BBOX1: variants seen among roughly 807,000 people sequenced by gnomAD.
The protein encoded by BBOX1 is gamma-butyrobetaine dioxygenase.
BBOX1 carries 35 observed loss-of-function variants against 41.6 expected under a neutral mutation model. The ratio of observed to expected loss-of-function variants is 0.84; its 90% confidence interval spans 0.64 to 1.11. BBOX1 has a LOEUF of 1.11. BBOX1 is among the 50% of genes most tolerant of loss of function. The pLI, the probability that BBOX1 is intolerant of heterozygous loss-of-function variation, is 0.00. For synonymous variants in BBOX1, 163 were observed against 154.7 expected (o/e 1.05, Z -0.40); for missense variants, 458 against 460.6 (o/e 0.99, Z 0.05).
intron 5 of BBOX1, among the ~76,000 whole-genome samples, chr11:27,113,454 C>A (rs565134781): frequency 1.5e-3 from 221 of 151,934 alleles, no homozygotes; most frequent in Middle Eastern, 3.4e-3. Context: ...ACATATACAC[C>A]ATGGAATACT....
At chr11:27,077,256 C>T (rs909864507) in intron 4 of BBOX1, among the ~76,000 whole-genome samples, 1 of 152,104 alleles carries the variant, frequency 6.6e-6, no homozygotes, top group African/African-American at 2.4e-5. Context: ...TGGGAATGCA[C>T]AAAAGTCTTC....
intron 5 of BBOX1, among the ~76,000 whole-genome samples, chr11:27,113,826 A>G (rs1859165123): frequency 6.6e-6 from 1 of 151,858 alleles, no homozygotes; most frequent in Admixed American, 6.6e-5. Context: ...AAAAAAATCA[A>G]GTTTCTCCCT....
At chr11:27,082,673 G>A (rs1857888848) in intron 4 of BBOX1, among the ~76,000 whole-genome samples, 1 of 152,104 alleles carries the variant, frequency 6.6e-6, no homozygotes. Context: ...TAGAGTATCT[G>A]TTATGGGATT....
In BBOX1 at chr11:27,055,528, G is replaced by A. The variant is rs751858108; in HGVS notation, c.98G>A (p.Trp33Ter). 1 of 1,614,172 alleles carries A rather than the reference G, an allele frequency of 6.2e-7. No individual in the cohort carries two copies. Among genetic ancestry groups the A allele is most frequent in the South Asian group, 1.1e-5 (1 of 91,072 alleles). ...DEEESLYPAVWLRDNCPCSDC... is the reference protein window; with the variant it reads ...DEEESLYPAV Reference sequence around the variant, plus strand: ...GAAGAGTCTCTCTACCCAGCTGTATGGTTGAGAGACAACTGTCCGTGCTCT... The same window carrying A: ...GAAGAGTCTCTCTACCCAGCTGTATAGTTGAGAGACAACTGTCCGTGCTCT... Residue 33 changes from tryptophan (W) to a stop codon, truncating the protein, a stop_gained, in exon 3 of 9, where the codon TGG becomes TAG. Coordinates refer to ENST00000263182, the MANE Select transcript of BBOX1 (RefSeq NM_003986.3). LOFTEE classifies it high-confidence loss of function.
chr11:27,069,199 T>C (rs1212202708), intron 4 of BBOX1, among the ~76,000 whole-genome samples: 2 of 152,130 alleles, frequency 1.3e-5, no homozygotes, highest in African/African-American at 4.8e-5. Flanking sequence ...TATTGAGTCT[T>C]CTAATTCATG....
At position 27,055,420 on chromosome 11, in the gene BBOX1, A is replaced by G. The variant is rs1856946459; in HGVS notation, c.-11A>G. The G allele has an allele frequency of 6.2e-7, 1 of 1,611,282 alleles. No homozygotes were observed. On this transcript the variant is annotated 5_prime_UTR_variant, in exon 3 of 9. Coordinates refer to ENST00000263182, the MANE Select transcript of BBOX1 (RefSeq NM_003986.3). ...GGTAGCTGACAGCATCTACTCCTGAAGACCGGAAACATGGCTTGTACCATC... is the reference window on the plus strand; with the variant it reads ...GGTAGCTGACAGCATCTACTCCTGAGGACCGGAAACATGGCTTGTACCATC...
chr11:27,094,783 A>G (rs1285234705), intron 5 of BBOX1, among the ~76,000 whole-genome samples: 1 of 151,792 alleles, frequency 6.6e-6, no homozygotes, highest in Admixed American at 6.6e-5. Context: ...CACAGCACCT[A>G]CTCTGACTCC....
chr11:27,052,495 T>C (rs1469977430), intron 2 of BBOX1, among the ~76,000 whole-genome samples: 2 of 152,148 alleles, frequency 1.3e-5, no homozygotes, highest in Non-Finnish European at 2.9e-5. Flanking sequence ...TGGTGCTTCA[T>C]GATCTGGTAT....
chr11:27,093,699 A>G (rs550274333), intron 5 of BBOX1, among the ~76,000 whole-genome samples: 1 of 152,104 alleles, frequency 6.6e-6, no homozygotes, highest in South Asian at 2.1e-4. Flanking sequence ...GGAAACTGGA[A>G]GTCTAAGATC....
intron 4 of BBOX1, among the ~76,000 whole-genome samples, chr11:27,080,117 C>T (rs2134013658): frequency 6.6e-6 from 1 of 152,152 alleles, no homozygotes; most frequent in Non-Finnish European, 1.5e-5. Flanking sequence ...CTGTTTAATC[C>T]TAGCAATAAC....
chr11:27,087,379 C>T (rs1036163494), intron 4 of BBOX1, among the ~76,000 whole-genome samples: 32 of 152,108 alleles, frequency 2.1e-4, no homozygotes, highest in African/African-American at 7.2e-4. Flanking sequence ...AGGCAAGACC[C>T]TCCACCAGCA....
chr11:27,075,358 C>T (rs954120825), intron 4 of BBOX1, among the ~76,000 whole-genome samples: 21 of 152,202 alleles, frequency 1.4e-4, no homozygotes, highest in African/African-American at 4.6e-4. Flanking sequence ...TCTCTTTAAG[C>T]TTATCTCATT....
intron 4 of BBOX1, among the ~76,000 whole-genome samples, chr11:27,080,302 T>G (rs948272860): frequency 6.6e-6 from 1 of 152,098 alleles, no homozygotes; most frequent in Non-Finnish European, 1.5e-5. Context: ...TCACAGCAAT[T>G]TGTATGGGTC....
At chr11:27,126,149 A>T (rs976291676) in intron 8 of BBOX1, among the ~76,000 whole-genome samples, 6 of 152,190 alleles carry the variant, frequency 3.9e-5, no homozygotes, top group Non-Finnish European at 7.3e-5. Context: ...TACTTGAGAT[A>T]AAAAAAGCAG....
At chr11:27,100,861 A>G (rs1382358169) in intron 5 of BBOX1, among the ~76,000 whole-genome samples, 1 of 151,492 alleles carries the variant, frequency 6.6e-6, no homozygotes, top group Admixed American at 6.6e-5. Context: ...CCCCACCCCC[A>G]GCACACACAC....
intron 2 of BBOX1, among the ~76,000 whole-genome samples, chr11:27,049,768 G>C (rs890701665): frequency 8.5e-5 from 13 of 152,194 alleles, no homozygotes; most frequent in Non-Finnish European, 1.5e-4. Context: ...ATGGCCCTCA[G>C]ATGTATGATT....
At chr11:27,123,066 T>C (rs1276277100) in intron 7 of BBOX1, among the ~76,000 whole-genome samples, 1 of 152,170 alleles carries the variant, frequency 6.6e-6, no homozygotes, top group African/African-American at 2.4e-5. Context: ...TCTAACATTC[T>C]TCAATCCTCA....
In BBOX1 at chr11:27,119,744, T is replaced by C; in HGVS notation, c.735T>C (p.Asn245=). Residue 245 remains asparagine, a synonymous_variant, in exon 7 of 9, where the codon AAT becomes AAC. Coordinates refer to ENST00000263182, the MANE Select transcript of BBOX1 (RefSeq NM_003986.3). ...TGTGCCAAAAACTAAAGAAAAATAA[T>C]CCTCAGGCATTCCAGATTTTGTCCT... The part of the protein sequence containing the change: ...FNVCQKLKKN[N]PQAFQILSST... 1 of 1,604,510 alleles carries C rather than the reference T, an allele frequency of 6.2e-7. No individual in the cohort carries two copies. The highest frequency in any genetic ancestry group is 8.5e-7 in the Non-Finnish European group (1 of 1,176,676).
At chr11:27,045,881 T>C (rs191415245) in intron 2 of BBOX1, among the ~76,000 whole-genome samples, 71 of 152,332 alleles carry the variant, frequency 4.7e-4, no homozygotes, top group African/African-American at 1.6e-3. Flanking sequence ...AGTTTCTGCA[T>C]CTGCTTCCTG....
Sources: gnomAD v4.1 joint callset for allele counts (sites outside exome capture counted in the v4.1 genomes callset) on GRCh38, gnomAD v4.1.1 for gene constraint, MANE v1.5 for transcripts, NCBI Gene and HGNC (gene_info 2026-07-23, HGNC 2026-07-21) for gene names.